Variants in MAGI3 observed in about 807,000 individuals in gnomAD.
MAGI3 encodes membrane associated guanylate kinase, WW and PDZ domain containing 3.
Under a neutral mutation model 121.8 loss-of-function variants are expected in MAGI3, and 43 were observed. That is an observed-to-expected ratio of 0.35 (90% CI 0.28 to 0.46). The LOEUF is 0.46. Among genes scored for constraint, MAGI3 ranks in the 20% least tolerant of loss-of-function variants. The pLI, the probability that MAGI3 is intolerant of heterozygous loss-of-function variation, is 1.00. For missense variants in MAGI3, 1,547 were observed against 1,797.3 expected, an observed-to-expected ratio of 0.86 and a Z score of 2.52; for synonymous variants, 553 against 639.3, an observed-to-expected ratio of 0.86 and a Z score of 2.04.
intron 1 of MAGI3, among the ~76,000 whole-genome samples, chr1:113,397,976 C>T (rs1249599469): frequency 6.6e-6 from 1 of 152,060 alleles, no homozygotes; most frequent in East Asian, 1.9e-4. Flanking sequence ...TTGTTACAGC[C>T]ACAGCCGACT....
At chr1:113,628,236 CATAATT>C (rs1262698576) in intron 9 of MAGI3, among the ~76,000 whole-genome samples, 1 of 152,040 alleles carries the variant, frequency 6.6e-6, no homozygotes, top group Non-Finnish European at 1.5e-5. Flanking sequence ...TATTATAACT[CATAATT>C]ATAAACTGAG....
At chr1:113,558,443 C>T (rs981205180) in intron 2 of MAGI3, among the ~76,000 whole-genome samples, 39 of 151,802 alleles carry the variant, frequency 2.6e-4, no homozygotes, top group Non-Finnish European at 4.0e-4. Flanking sequence ...ATAAACCAAG[C>T]GGGGAAAAGA....
In MAGI3 at chr1:113,658,886, T is replaced by C. The variant is rs895937450; in HGVS notation, c.2630-194T>C. ...ATGATTACAACTGTGTAAAGAGTAT[T>C]TATGCATGTGGGCAAAAGTGAGAAG... is the stretch of plus-strand genomic sequence containing the variant. On this transcript the variant is annotated intron_variant, in intron 15 of 20. Coordinates refer to ENST00000307546, the MANE Select transcript of MAGI3 (RefSeq NM_001142782.2). This position sits in a 1 kb window ranked among gnomAD's most constrained non-coding sequence, Gnocchi z 4.0. Among the ~76,000 whole-genome samples the C allele has an allele frequency of 6.6e-6, 1 of 152,190 alleles. No individual in the cohort carries two copies. The highest frequency in any genetic ancestry group is 2.4e-5 in the African/African-American group (1 of 41,454).
At chr1:113,668,320 C>T (rs1304330362) in intron 16 of MAGI3, among the ~76,000 whole-genome samples, 2 of 152,062 alleles carry the variant, frequency 1.3e-5, no homozygotes, top group South Asian at 2.1e-4. Context: ...TAATTCTCAT[C>T]GAAGGAGAGA....
chr1:113,493,479 A>G (rs963112850), intron 1 of MAGI3, among the ~76,000 whole-genome samples: 1 of 152,206 alleles, frequency 6.6e-6, no homozygotes, highest in Admixed American at 6.5e-5. Flanking sequence ...GCAAATTTTC[A>G]TGACAAAGAT....
At chr1:113,547,339 T>A (rs1177477872) in intron 1 of MAGI3, among the ~76,000 whole-genome samples, 1 of 152,062 alleles carries the variant, frequency 6.6e-6, no homozygotes, top group Non-Finnish European at 1.5e-5. Flanking sequence ...AAGTATTGAG[T>A]CAGATTGTCT....
intron 1 of MAGI3, among the ~76,000 whole-genome samples, chr1:113,466,438 T>C (rs1426327336): frequency 6.6e-6 from 1 of 152,200 alleles, no homozygotes; most frequent in African/African-American, 2.4e-5. Flanking sequence ...GATATTGGCC[T>C]GTAGTCTTCT....
intron 1 of MAGI3, among the ~76,000 whole-genome samples, chr1:113,443,509 G>C (rs1022170075): frequency 6.6e-6 from 1 of 152,072 alleles, no homozygotes; most frequent in African/African-American, 2.4e-5. Flanking sequence ...AGTTTATAAA[G>C]CTTATTTTAA....
intron 1 of MAGI3, among the ~76,000 whole-genome samples, chr1:113,512,476 T>G (rs1657666264): frequency 6.6e-6 from 1 of 152,218 alleles, no homozygotes; most frequent in South Asian, 2.1e-4. Flanking sequence ...CTCCTCAACA[T>G]GTAGTTTGTT....
At chr1:113,447,427 G>A (rs12043827) in intron 1 of MAGI3, among the ~76,000 whole-genome samples, 23,207 of 152,208 alleles carry the variant, frequency 0.15, 2,819 homozygotes, top group East Asian at 0.63. Flanking sequence ...TAAGGGCACA[G>A]CCCTCATGGG....
intron 9 of MAGI3, among the ~76,000 whole-genome samples, chr1:113,640,675 T>C (rs898105685): frequency 6.6e-6 from 1 of 151,264 alleles, no homozygotes; most frequent in Non-Finnish European, 1.5e-5. Context: ...AGTTGAACAA[T>C]GAGAACACAT....
At chr1:113,424,073 C>T (rs528872470) in intron 1 of MAGI3, among the ~76,000 whole-genome samples, 114 of 152,224 alleles carry the variant, frequency 7.5e-4, no homozygotes, top group Non-Finnish European at 1.4e-3. Flanking sequence ...TGCTGCTGGG[C>T]GGCACCTGCA....
intron 1 of MAGI3, among the ~76,000 whole-genome samples, chr1:113,513,808 C>G (rs887703714): frequency 1.8e-4 from 28 of 152,110 alleles, no homozygotes; most frequent in Non-Finnish European, 2.9e-4. Flanking sequence ...AGCTTCTGCA[C>G]AGCAAAAGAA....
At chr1:113,650,932 G>T in intron 13 of MAGI3, 82 bp from the exon 14 acceptor site, 1 of 1,278,212 alleles carries the variant, frequency 7.8e-7, no homozygotes. Flanking sequence ...CTGTTGGTTT[G>T]CACAATGCTA....
chr1:113,606,368 T>C (rs1319282549), intron 6 of MAGI3, among the ~76,000 whole-genome samples: 1 of 152,188 alleles, frequency 6.6e-6, no homozygotes, highest in African/African-American at 2.4e-5. Flanking sequence ...AAAGGCAAAC[T>C]AGAATATATA....
chr1:113,394,429 C>CA (rs1255566387), intron 1 of MAGI3, among the ~76,000 whole-genome samples: 2 of 152,094 alleles, frequency 1.3e-5, no homozygotes, highest in Admixed American at 1.3e-4. Flanking sequence ...GAAAAGTTGT[C>CA]ATTTGAGTTT....
intron 2 of MAGI3, among the ~76,000 whole-genome samples, chr1:113,550,662 A>C (rs2101671213): frequency 6.6e-6 from 1 of 151,434 alleles, no homozygotes; most frequent in South Asian, 2.1e-4. Flanking sequence ...AGGCTGAGGC[A>C]GGAGAATCGC....
At chr1:113,409,254 A>G (rs978864657) in intron 1 of MAGI3, among the ~76,000 whole-genome samples, 3 of 151,968 alleles carry the variant, frequency 2.0e-5, no homozygotes, top group Non-Finnish European at 4.4e-5. Context: ...CCTTGTTAGT[A>G]AGAATTAGAA....
chr1:113,588,930 G>A (rs1648541266), intron 4 of MAGI3, among the ~76,000 whole-genome samples: 1 of 152,136 alleles, frequency 6.6e-6, no homozygotes, highest in Non-Finnish European at 1.5e-5. Context: ...TACTGAACTG[G>A]GAACATGTTT....
Sources: allele counts gnomAD v4.1 joint callset (sites outside exome capture counted in the v4.1 genomes callset), GRCh38; gene constraint gnomAD v4.1.1; non-coding constraint Gnocchi (gnomAD v3.1); transcripts MANE v1.5; gene names NCBI Gene and HGNC (gene_info 2026-07-23, HGNC 2026-07-21).